The following COL26A1 variants were observed in gnomAD, a reference collection of about 807,000 sequenced individuals.
COL26A1 encodes the protein collagen type XXVI alpha 1 chain.
Under a neutral mutation model 59.3 loss-of-function variants are expected in COL26A1, and 41 were observed. The ratio of observed to expected loss-of-function variants is 0.69; its 90% CI spans 0.54 to 0.90. COL26A1 has a LOEUF of 0.90. Ranked by LOEUF, COL26A1 falls within the 40% of genes least tolerant of loss-of-function variation. The pLI is 0.00. For synonymous variants in COL26A1, 266 were observed against 256.0 expected (o/e 1.04, Z -0.37); for missense variants, 612 against 602.3 (o/e 1.02, Z -0.17).
chr7:101,470,560 G>A (rs992258010), intron 3 of COL26A1, among the ~76,000 whole-genome samples: 2 of 151,858 alleles, frequency 1.3e-5, no homozygotes, highest in Non-Finnish European at 2.9e-5. Flanking sequence ...GGACTGTATC[G>A]CCGTTGCTCT....
intron 7 of COL26A1, 58 bp downstream of exon 7, chr7:101,545,548 G>T: frequency 6.6e-7 from 1 of 1,525,558 alleles, no homozygotes; most frequent in Non-Finnish European, 8.7e-7. Flanking sequence ...TTCTGGGAGG[G>T]ATCAGCCTTC....
chr7:101,551,908 TC>T (rs932606106), intron 10 of COL26A1, among the ~76,000 whole-genome samples: 30 of 152,182 alleles, frequency 2.0e-4, no homozygotes, highest in African/African-American at 6.3e-4. Context: ...GGTGCTCTCT[TC>T]CCCCACAGCG....
At chr7:101,509,465 A>C (rs933676838) in intron 3 of COL26A1, among the ~76,000 whole-genome samples, 1 of 152,030 alleles carries the variant, frequency 6.6e-6, no homozygotes, top group Admixed American at 6.5e-5. Context: ...AAAAAAGAAA[A>C]GAAGAACAGA....
chr7:101,532,605 G>C (rs1339596323), intron 3 of COL26A1, among the ~76,000 whole-genome samples: 1 of 152,132 alleles, frequency 6.6e-6, no homozygotes. Context: ...CGTCCTCCTT[G>C]ATTGTCCCCC....
At chr7:101,447,918 G>A (rs879151438) in intron 3 of COL26A1, 131 bp downstream of exon 3, 15 of 657,576 alleles carry the variant, frequency 2.3e-5, no homozygotes, top group Middle Eastern at 4.0e-4. Flanking sequence ...TTTCCCAATC[G>A]CCTCTGAAGC....
intron 2 of COL26A1, among the ~76,000 whole-genome samples, chr7:101,443,614 A>G (rs150279056): frequency 5.7e-4 from 87 of 152,326 alleles, no homozygotes; most frequent in African/African-American, 2.1e-3. Flanking sequence ...TTGATCAAGC[A>G]GCAGTTATGA....
At chr7:101,533,303 C>T (rs1166204003) in intron 4 of COL26A1, among the ~76,000 whole-genome samples, 160 bp downstream of exon 4, 2 of 152,092 alleles carry the variant, frequency 1.3e-5, no homozygotes, top group Non-Finnish European at 2.9e-5. Flanking sequence ...ACTGTTCAGG[C>T]CTTGGTGGCT....
At chr7:101,376,076 G>A (rs1167149834) in intron 1 of COL26A1, among the ~76,000 whole-genome samples, 1 of 151,382 alleles carries the variant, frequency 6.6e-6, no homozygotes, top group Admixed American at 6.6e-5. Flanking sequence ...TGAGGTGGGA[G>A]GATCACTTGA....
At chr7:101,541,847 C>T (rs141213262) in intron 5 of COL26A1, among the ~76,000 whole-genome samples, 14 of 152,300 alleles carry the variant, frequency 9.2e-5, no homozygotes, top group Non-Finnish European at 1.6e-4. Context: ...TAGCAAACAA[C>T]ACCTGTCTAT....
At chr7:101,394,122 G>C (rs1280980799) in intron 1 of COL26A1, among the ~76,000 whole-genome samples, 1 of 152,026 alleles carries the variant, frequency 6.6e-6, no homozygotes. Context: ...TAGGCTTAGA[G>C]CTAGGACCAG....
intron 1 of COL26A1, among the ~76,000 whole-genome samples, chr7:101,371,405 T>C (rs1039897386): frequency 1.3e-5 from 2 of 152,060 alleles, no homozygotes; most frequent in Admixed American, 1.3e-4. Context: ...TCCCAGCACT[T>C]TGGGAGACCG....
intron 3 of COL26A1, among the ~76,000 whole-genome samples, chr7:101,467,765 G>A (rs962553448): frequency 4.6e-5 from 7 of 152,104 alleles, no homozygotes; most frequent in Non-Finnish European, 7.4e-5. Context: ...TACTTGGGAG[G>A]CTGAGGCAGC....
chr7:101,425,466 A>G (rs1584396806), intron 2 of COL26A1, among the ~76,000 whole-genome samples: 2 of 152,226 alleles, frequency 1.3e-5, no homozygotes, highest in African/African-American at 4.8e-5. Context: ...AGGTTAGGTT[A>G]GGAGGATGAA....
upstream of COL26A1, among the ~76,000 whole-genome samples, chr7:101,362,471 C>T (rs1377123431): frequency 1.3e-5 from 2 of 152,184 alleles, no homozygotes. Flanking sequence ...ATCCAAAGAG[C>T]CCTGCACAAG....
intron 1 of COL26A1, among the ~76,000 whole-genome samples, chr7:101,411,125 C>T (rs1360702871): frequency 6.6e-6 from 1 of 152,152 alleles, no homozygotes; most frequent in Non-Finnish European, 1.5e-5. Flanking sequence ...CTGGCACAGA[C>T]CACAGCCCAG....
At position 101,366,474 on chromosome 7, in the gene COL26A1, A is replaced by AT. The variant is rs869149636; in HGVS notation, c.158+3327dup. Among the ~76,000 whole-genome samples, 33 of 76,274 alleles carry AT rather than the reference A, an allele frequency of 4.3e-4. 3 individuals are homozygous for AT. The highest frequency in any genetic ancestry group is 1.1e-3 in the East Asian group (3 of 2,726). The allele number at this position is 76,274 out of a possible 152,430, so 50.0% of individuals were successfully genotyped here. A position where few individuals can be genotyped will look rare whatever the true frequency, so the allele number is the denominator to read the frequency against. ...TGTTACTGCTCCTTGTTAACGTCTG[A>AT]TTTTTTTTTTTTTTTTTTTTTTTTT... On this transcript the variant is annotated intron_variant, in intron 1 of 12. Coordinates refer to ENST00000313669, the MANE Select transcript of COL26A1 (RefSeq NM_001278563.3).
intron 1 of COL26A1, among the ~76,000 whole-genome samples, chr7:101,384,759 C>T (rs573777315): frequency 6.6e-6 from 1 of 152,064 alleles, no homozygotes; most frequent in Non-Finnish European, 1.5e-5. Flanking sequence ...TTGACTCATG[C>T]AATCACAGGG....
At chr7:101,504,391 G>A (rs1794764904) in intron 3 of COL26A1, among the ~76,000 whole-genome samples, 2 of 152,136 alleles carry the variant, frequency 1.3e-5, no homozygotes, top group African/African-American at 2.4e-5. Context: ...ATGAGCCACG[G>A]TGCCCGGCCC....
chr7:101,478,771 C>G (rs1166249473), intron 3 of COL26A1, among the ~76,000 whole-genome samples: 10 of 152,106 alleles, frequency 6.6e-5, no homozygotes. Flanking sequence ...GGGTGTCATT[C>G]CTAGACAAAT....
Sources: allele counts gnomAD v4.1 joint callset (sites outside exome capture counted in the v4.1 genomes callset), GRCh38; gene constraint gnomAD v4.1.1; transcripts MANE v1.5; gene names NCBI Gene and HGNC (gene_info 2026-07-23, HGNC 2026-07-21).